PLA2G4F: variants seen among roughly 807,000 people sequenced by gnomAD.
PLA2G4F encodes phospholipase A2 group IVF, also known as cytosolic phospholipase A2 zeta.
PLA2G4F carries 105 observed loss-of-function variants against 103.1 expected under a neutral mutation model. The ratio of observed to expected loss-of-function variants is 1.02; its 90% CI spans 0.87 to 1.20. PLA2G4F has a LOEUF of 1.20. PLA2G4F is among the 50% of genes most tolerant of loss of function. The pLI is 0.00. For missense variants in PLA2G4F, 1,155 were observed against 1,075.9 expected (o/e 1.07, Z -1.03); for synonymous variants, 468 against 441.1 (o/e 1.06, Z -0.76).
Position 42,155,575 on chromosome 15 carries a change from T to C in PLA2G4F, c.126A>G (p.Pro42=), listed in dbSNP as rs755234941. Residue 42 remains proline, a synonymous_variant, in exon 2 of 20, where the codon CCA becomes CCG. Transcript: ENST00000397272. ...GCACCTTCACCTGGAGGTCATAGTA[T>C]GGGTAGGTTTCCCGCTGCAATAACA... ...LWRHWRRETY[P]YYDLQVKVLR... 1.9e-6 allele frequency: 3 copies of C among 1,614,042 alleles called. 1 individual carries two copies. The highest frequency in any genetic ancestry group is 2.2e-5 in the South Asian group (2 of 91,082).
intron 7 of PLA2G4F, among the ~76,000 whole-genome samples, chr15:42,152,155 C>T (rs952997750): frequency 6.6e-6 from 1 of 152,252 alleles, no homozygotes; most frequent in Non-Finnish European, 1.5e-5. Context: ...CATGTGACTT[C>T]AGCTCCTCCC....
chr15:42,148,513 G>T, intron 11 of PLA2G4F: 1 of 732,300 alleles, frequency 1.4e-6, no homozygotes. Flanking sequence ...GAAGTCAGCA[G>T]CCTCCCTCCA....
intron 1 of PLA2G4F, 85 bp from the exon 2 acceptor site, chr15:42,155,674 C>A: frequency 4.3e-6 from 6 of 1,381,452 alleles, no homozygotes; most frequent in Non-Finnish European, 6.1e-6. Context: ...CATCATGGAG[C>A]AGCAACCTGG....
In PLA2G4F at chr15:42,142,561, C is replaced by A. The variant is rs749613877; in HGVS notation, c.2296G>T (p.Val766Phe). Residue 766 changes from valine to phenylalanine, a missense_variant, in exon 19 of 20, where the codon GTT (valine) becomes TTT (phenylalanine). This residue lies in a region of PLA2G4F where 782 missense variants were observed against 692.9 expected (regional missense o/e 1.13). Coordinates refer to ENST00000397272, the MANE Select transcript of PLA2G4F (RefSeq NM_213600.4). ...RSPIVLHFPL[V>F]NRTFRTHLAP... ...AGGTGTGTGCGGAAGGTACGGTTAA[C>A]CAGGGGGAAGTGCAGCACAATGGGG... 1 of 1,613,978 alleles carries A rather than the reference C, an allele frequency of 6.2e-7. No homozygotes were observed. The highest frequency in any genetic ancestry group is 1.7e-5 in the Admixed American group (1 of 60,010).
chr15:42,152,600 C>G, intron 7 of PLA2G4F, 88 bp downstream of exon 7: 2 of 1,386,462 alleles, frequency 1.4e-6, no homozygotes, highest in Non-Finnish European at 2.0e-6. Context: ...ACTTTAAGAA[C>G]TTCCTGCCCC....
At chr15:42,155,829 G>A (rs2049009702) in intron 1 of PLA2G4F, among the ~76,000 whole-genome samples, 1 of 152,176 alleles carries the variant, frequency 6.6e-6, no homozygotes. Flanking sequence ...CGGACTCACT[G>A]AACTAACGAT....
At chr15:42,150,174 T>C (rs2048940881) in intron 9 of PLA2G4F, 33 bp from the exon 10 acceptor site, 1 of 1,613,986 alleles carries the variant, frequency 6.2e-7, no homozygotes, top group Non-Finnish European at 8.5e-7. Context: ...CCCTGAGTTC[T>C]CTGGGCAGGA....
intron 11 of PLA2G4F, chr15:42,148,689 C>T (rs913829046): frequency 1.0e-6 from 1 of 985,186 alleles, no homozygotes; most frequent in Non-Finnish European, 1.2e-6. Context: ...CCAAAGGTGC[C>T]CAGAGGTTTT....
chr15:42,154,087 C>T lies in PLA2G4F; in HGVS notation c.450+5G>A, dbSNP rs767275556. On this transcript the variant is annotated splice_donor_5th_base_variant and intron_variant, in intron 4 of 19. Transcript: ENST00000397272. ...TGGGCTCTCCGCCAGCACTGGTGGG[C>T]TCACCTGGTGGTTGAGTGGGAAGGT... The T allele has an allele frequency of 2.5e-6, 4 of 1,614,140 alleles. No individual in the cohort carries two copies. In the South Asian group the frequency reaches 3.3e-5, roughly 13 times the overall value.
intron 11 of PLA2G4F, chr15:42,149,196 C>A: frequency 1.0e-6 from 1 of 976,046 alleles, no homozygotes; most frequent in Non-Finnish European, 1.2e-6. Context: ...GCCCTAACCC[C>A]CAATGTGACA....
chr15:42,155,967 G>A (rs948958369), intron 1 of PLA2G4F, among the ~76,000 whole-genome samples: 10 of 152,142 alleles, frequency 6.6e-5, no homozygotes, highest in African/African-American at 2.2e-4. Flanking sequence ...AGAAAACTGT[G>A]ACACCCCCTC....
chr15:42,151,556 G>C, intron 7 of PLA2G4F: 1 of 985,364 alleles, frequency 1.0e-6, no homozygotes, highest in Non-Finnish European at 1.2e-6. Context: ...CAAAGTATGC[G>C]AGGACAGCAG....
chr15:42,147,865 A>G, intron 11 of PLA2G4F, 103 bp from the exon 12 acceptor site: 1 of 1,469,016 alleles, frequency 6.8e-7, no homozygotes, highest in South Asian at 1.3e-5. Flanking sequence ...TACACGTATT[A>G]TCTCATTGAA....
chr15:42,141,352 C>A lies in PLA2G4F; in HGVS notation c.*632G>T, dbSNP rs535372191. On this transcript the variant is annotated 3_prime_UTR_variant, in exon 20 of 20. Coordinates refer to ENST00000397272, the MANE Select transcript of PLA2G4F (RefSeq NM_213600.4). ...CTGGAGCAGCCAGAATGGGACATCA[C>A]CCCACAGGCTTTAGGGCGCTGGGAA... 1 of 456,582 alleles carries A rather than the reference C, an allele frequency of 2.2e-6. No individual in the cohort carries two copies. The highest frequency in any genetic ancestry group is 2.0e-5 in the African/African-American group (1 of 50,062). 28.3% of individuals were successfully genotyped at this position (456,582 alleles called of 1,614,324 possible). A position where few individuals can be genotyped will look rare whatever the true frequency, so the allele number is the denominator to read the frequency against.
In PLA2G4F at chr15:42,141,123, T is replaced by G. The variant is rs2048823698; in HGVS notation, c.*861A>C. The G allele has an allele frequency of 2.4e-6, 1 of 409,554 alleles. No individual in the cohort carries two copies. Among genetic ancestry groups the G allele is most frequent in the East Asian group, 7.2e-5 (1 of 13,904 alleles). 25.4% of individuals were successfully genotyped at this position (409,554 alleles called of 1,614,324 possible). On this transcript the variant is annotated 3_prime_UTR_variant, in exon 20 of 20. Coordinates refer to ENST00000397272, the MANE Select transcript of PLA2G4F (RefSeq NM_213600.4). ...CTTGGAGTAACCCACCTCCAGGAAC[T>G]TGCACACCCTCCTGCCCCACATACA...
At chr15:42,143,020 A>G (rs1480280011) in intron 18 of PLA2G4F, among the ~76,000 whole-genome samples, 1 of 151,832 alleles carries the variant, frequency 6.6e-6, no homozygotes, top group African/African-American at 2.4e-5. Flanking sequence ...CTCTACTAAA[A>G]TTACAAAAAT....
At chr15:42,145,964 G>A in intron 14 of PLA2G4F, 61 bp from the exon 15 acceptor site, 2 of 1,602,524 alleles carry the variant, frequency 1.2e-6, no homozygotes, top group South Asian at 2.2e-5. Flanking sequence ...TTGTGCCCAA[G>A]CAGGAATCTT....
chr15:42,146,098 C>A, intron 14 of PLA2G4F, 29 bp downstream of exon 14: 1 of 1,609,550 alleles, frequency 6.2e-7, no homozygotes, highest in South Asian at 1.1e-5. Flanking sequence ...CCTCCTCTAC[C>A]TCCTTCCTTC....
At chr15:42,145,403 T>A (rs1178495730) in intron 16 of PLA2G4F, among the ~76,000 whole-genome samples, 172 bp downstream of exon 16, 1 of 152,064 alleles carries the variant, frequency 6.6e-6, no homozygotes, top group Non-Finnish European at 1.5e-5. Flanking sequence ...TGTGGCTTGA[T>A]CATACCTCTG....
Sources: gnomAD v4.1 joint callset for allele counts (sites outside exome capture counted in the v4.1 genomes callset) on GRCh38, gnomAD v4.1.1 for gene constraint, gnomAD v4.1.1 regional missense constraint, MANE v1.5 for transcripts, NCBI Gene and HGNC (gene_info 2026-07-23, HGNC 2026-07-21) for gene names.